Variants in HTR7 observed in about 807,000 individuals in gnomAD.
HTR7 encodes the protein 5-hydroxytryptamine receptor 7, also known as 5-HT-7.
In HTR7, 16 loss-of-function variants were observed where a neutral mutation model predicts 34.0. The observed-to-expected ratio is 0.47, with a 90% CI of 0.32 to 0.71. The LOEUF (loss-of-function observed/expected upper bound fraction) is 0.71, where lower values mean the gene tolerates loss of function less well. HTR7 is among the 30% of genes least tolerant of loss of function. The pLI, the probability that HTR7 is intolerant of heterozygous loss-of-function variation, is 0.04. For synonymous variants in HTR7, 265 were observed against 260.2 expected, an observed-to-expected ratio of 1.02 and a Z score of -0.18; for missense variants, 504 against 625.5, an observed-to-expected ratio of 0.81 and a Z score of 2.07.
At chr10:90,756,417 C>A (rs986899532) in intron 1 of HTR7, among the ~76,000 whole-genome samples, 1 of 152,140 alleles carries the variant, frequency 6.6e-6, no homozygotes, top group Non-Finnish European at 1.5e-5. Context: ...TGCCATTAAC[C>A]TAGATGCTAA....
At chr10:90,838,282 A>G (rs1846281134) in intron 1 of HTR7, among the ~76,000 whole-genome samples, 1 of 152,188 alleles carries the variant, frequency 6.6e-6, no homozygotes, top group Non-Finnish European at 1.5e-5. Flanking sequence ...TGCTTGAGCC[A>G]AAAGCACAAG....
At chr10:90,823,608 T>C (rs1846022791) in intron 1 of HTR7, among the ~76,000 whole-genome samples, 1 of 152,156 alleles carries the variant, frequency 6.6e-6, no homozygotes, top group Admixed American at 6.6e-5. Context: ...TGGGGGACTG[T>C]TGGGAAGGCA....
At chr10:90,832,555 C>T (rs1378816195) in intron 1 of HTR7, among the ~76,000 whole-genome samples, 1 of 152,208 alleles carries the variant, frequency 6.6e-6, no homozygotes, top group Admixed American at 6.5e-5. Context: ...GCTCGTGCCT[C>T]TCTCTCCACA....
intron 1 of HTR7, among the ~76,000 whole-genome samples, chr10:90,798,876 C>A (rs1233701112): frequency 6.6e-6 from 1 of 152,140 alleles, no homozygotes; most frequent in Admixed American, 6.6e-5. Context: ...AATAACAGCC[C>A]TTTCCCAAAA....
intron 1 of HTR7, among the ~76,000 whole-genome samples, chr10:90,845,540 C>G (rs540268128): frequency 6.6e-6 from 1 of 152,208 alleles, no homozygotes; most frequent in African/African-American, 2.4e-5. Context: ...GACAGACACT[C>G]GAAAAACACC....
chr10:90,846,164 C>A (rs995015134), intron 1 of HTR7, among the ~76,000 whole-genome samples: 2 of 152,110 alleles, frequency 1.3e-5, no homozygotes, highest in Non-Finnish European at 2.9e-5. Context: ...TAAGTCTAAA[C>A]ACAAAATTCA....
At position 90,826,137 on chromosome 10, in the gene HTR7, A is replaced by T. The variant is rs116575212; in HGVS notation, c.539+30996T>A. The stretch of plus-strand genomic sequence containing the variant: ...AAAGAAACAACATACTATGAGCTCT[A>T]ATATGTCTGGCAGCAGACTTTTCAG... On this transcript the variant is annotated intron_variant, in intron 1 of 3. Transcript: ENST00000336152. Among the ~76,000 whole-genome samples the T allele has an allele frequency of 2.4e-3, 362 of 152,306 alleles. 1 individual carries two copies. Among genetic ancestry groups the T allele is most frequent in the African/African-American group, 8.4e-3 (348 of 41,572 alleles).
At chr10:90,761,083 C>A (rs1844927371) in intron 1 of HTR7, among the ~76,000 whole-genome samples, 1 of 152,004 alleles carries the variant, frequency 6.6e-6, no homozygotes, top group African/African-American at 2.4e-5. Flanking sequence ...ATTTTTTAAT[C>A]AATCAACTTT....
At chr10:90,825,595 A>G (rs1359224044) in intron 1 of HTR7, among the ~76,000 whole-genome samples, 2 of 152,272 alleles carry the variant, frequency 1.3e-5, no homozygotes, top group Non-Finnish European at 2.9e-5. Context: ...AGAAAACTCA[A>G]TGAAATTTAA....
chr10:90,817,257 G>A (rs1454509613), intron 1 of HTR7, among the ~76,000 whole-genome samples: 1 of 152,170 alleles, frequency 6.6e-6, no homozygotes, highest in Non-Finnish European at 1.5e-5. Flanking sequence ...TGGTGAAATG[G>A]GAAGTTGGAC....
chr10:90,815,564 G>C (rs1845885999), intron 1 of HTR7, among the ~76,000 whole-genome samples: 1 of 151,906 alleles, frequency 6.6e-6, no homozygotes, highest in Non-Finnish European at 1.5e-5. Flanking sequence ...ACACATGCTG[G>C]GGCCTTTTGT....
chr10:90,844,317 A>T (rs963179067), intron 1 of HTR7, among the ~76,000 whole-genome samples: 1 of 152,210 alleles, frequency 6.6e-6, no homozygotes, highest in South Asian at 2.1e-4. Flanking sequence ...TCCAGATATT[A>T]TGAATTAATT....
chr10:90,766,159 CTTCTA>C (rs1275914855), intron 1 of HTR7, among the ~76,000 whole-genome samples: 3 of 152,064 alleles, frequency 2.0e-5, no homozygotes, highest in Admixed American at 2.0e-4. Context: ...TTATTTCTCC[CTTCTA>C]TTCTATTAGT....
intron 1 of HTR7, among the ~76,000 whole-genome samples, chr10:90,811,710 C>A (rs1233547775): frequency 6.6e-6 from 1 of 152,040 alleles, no homozygotes; most frequent in African/African-American, 2.4e-5. Flanking sequence ...CAGGGATTTG[C>A]CCCCGCCCAG....
rs190362672 is a variant in HTR7 at position 90,777,215 on chromosome 10, G to A, written c.540-27621C>T. On this transcript the variant is annotated intron_variant, in intron 1 of 3. Coordinates refer to ENST00000336152, the MANE Select transcript of HTR7 (RefSeq NM_019859.4). The stretch of plus-strand genomic sequence containing the variant: ...TGCCTCCTACAGGCCGGGCGTGGTG[G>A]CTCACACCTATAATCCCAGCACTTT... 3.4e-4 allele frequency among the ~76,000 whole-genome samples: 51 copies of A among 152,164 alleles called. No homozygotes were observed. In the South Asian group the frequency reaches 4.8e-3, roughly 14 times the overall value.
intron 1 of HTR7, among the ~76,000 whole-genome samples, chr10:90,842,186 C>A (rs923483971): frequency 3.9e-5 from 6 of 152,144 alleles, no homozygotes; most frequent in African/African-American, 1.4e-4. Flanking sequence ...TTAGCAACCT[C>A]ATAAAAGGGC....
At chr10:90,765,426 C>T (rs946535925) in intron 1 of HTR7, among the ~76,000 whole-genome samples, 2 of 151,904 alleles carry the variant, frequency 1.3e-5, no homozygotes, top group African/African-American at 4.8e-5. Flanking sequence ...ATTATTCCCT[C>T]TCATTCTTAG....
At chr10:90,851,191 G>A (rs1417900034) in intron 1 of HTR7, among the ~76,000 whole-genome samples, 1 of 152,190 alleles carries the variant, frequency 6.6e-6, no homozygotes, top group Non-Finnish European at 1.5e-5. Flanking sequence ...TAATAATGTT[G>A]GCTAATGGCT....
chr10:90,796,990 C>T (rs1217866085), intron 1 of HTR7, among the ~76,000 whole-genome samples: 2 of 148,742 alleles, frequency 1.3e-5, no homozygotes, highest in Admixed American at 6.7e-5. Context: ...CCAGCCTGGG[C>T]GACAAAGCAA....
Sources: allele counts gnomAD v4.1 joint callset (sites outside exome capture counted in the v4.1 genomes callset), GRCh38; gene constraint gnomAD v4.1.1; transcripts MANE v1.5; gene names NCBI Gene and HGNC (gene_info 2026-07-23, HGNC 2026-07-21).